COBLL1: variants seen among roughly 807,000 people sequenced by gnomAD.
The protein encoded by COBLL1 is cordon-bleu protein-like 1.
COBLL1 carries 50 observed loss-of-function variants against 94.8 expected under a neutral mutation model. The observed-to-expected ratio is 0.53, with a 90% CI of 0.42 to 0.67. The LOEUF is 0.67. Among genes scored for constraint, COBLL1 ranks in the 30% least tolerant of loss-of-function variants. COBLL1 has a pLI of 0.00. For synonymous variants in COBLL1, 448 were observed against 473.8 expected, an observed-to-expected ratio of 0.95 and a Z score of 0.71; for missense variants, 1,362 against 1,348.7, an observed-to-expected ratio of 1.01 and a Z score of -0.15.
chr2:164,737,669 A>C (rs1479480710), intron 3 of COBLL1, among the ~76,000 whole-genome samples: 1 of 152,158 alleles, frequency 6.6e-6, no homozygotes, highest in Admixed American at 6.5e-5. Flanking sequence ...AATAAATATA[A>C]ATATGACGTG....
intron 7 of COBLL1, among the ~76,000 whole-genome samples, chr2:164,710,588 G>A (rs866901372): frequency 8.0e-5 from 12 of 149,574 alleles, no homozygotes; most frequent in Admixed American, 2.7e-4. Flanking sequence ...TTTTGGAGAC[G>A]GAGTTTCGCT....
chr2:164,702,392 T>C (rs1185351574), intron 9 of COBLL1, among the ~76,000 whole-genome samples: 2 of 151,320 alleles, frequency 1.3e-5, no homozygotes, highest in East Asian at 3.9e-4. Context: ...TGAAACCCCG[T>C]CTCTACTAAA....
chr2:164,733,692 G>A (rs1686141833), intron 3 of COBLL1, among the ~76,000 whole-genome samples: 2 of 152,100 alleles, frequency 1.3e-5, no homozygotes, highest in African/African-American at 4.8e-5. Context: ...GAAAACTATC[G>A]GATGAAAAAG....
At position 164,805,363 on chromosome 2, in the gene COBLL1, A is replaced by ATTT. The variant is rs1553480466; in HGVS notation, c.41+35792_41+35793insAAA. Among the ~76,000 whole-genome samples the ATTT allele has an allele frequency of 5.6e-4, 65 of 115,872 alleles. 1 individual carries two copies. Among genetic ancestry groups the ATTT allele is most frequent in the Non-Finnish European group, 9.3e-4 (53 of 57,048 alleles). The allele number at this position is 115,872 out of a possible 152,430, so 76.0% of individuals were successfully genotyped here. A position where few individuals can be genotyped will look rare whatever the true frequency, so the allele number is the denominator to read the frequency against. ...TATATATATATATATATATATATAT[A>ATTT]AAACTAAAGTTCATAGTTTACATTA... On this transcript the variant is annotated intron_variant, in intron 2 of 13. Transcript: ENST00000652658.
chr2:164,694,899 T>C lies in COBLL1; in HGVS notation c.2493A>G (p.Arg831=), dbSNP rs1683832799. The C allele has an allele frequency of 6.2e-7, 1 of 1,613,940 alleles. No homozygotes were observed. The highest frequency in any genetic ancestry group is 1.3e-5 in the African/African-American group (1 of 75,002). ...GTGCAAAAGGAGCTGTGCCAGTGTC[T>C]CTTGTCATTTTGGGAGCAGGTTTCA... is the stretch of plus-strand genomic sequence containing the variant. ...SPLKPAPKMT[R]DTGTAPFAPN... is the part of the protein sequence containing the mutation. Residue 831 remains arginine, a synonymous_variant, in exon 12 of 14, where the codon AGA becomes AGG. Coordinates refer to ENST00000652658, the MANE Select transcript of COBLL1 (RefSeq NM_001365672.2).
intron 2 of COBLL1, among the ~76,000 whole-genome samples, chr2:164,814,825 ATCC>A (rs1684636699): frequency 6.6e-6 from 1 of 152,212 alleles, no homozygotes. Context: ...AATTCTTACT[ATCC>A]TCTAAACCTT....
chr2:164,744,855 CAG>C (rs1018972673), intron 2 of COBLL1, among the ~76,000 whole-genome samples: 1 of 151,966 alleles, frequency 6.6e-6, no homozygotes, highest in African/African-American at 2.4e-5. Flanking sequence ...TAACTTATAA[CAG>C]AAATAGTAGA....
intron 2 of COBLL1, among the ~76,000 whole-genome samples, chr2:164,658,850 A>G (rs781326119): frequency 7.2e-5 from 11 of 152,092 alleles, no homozygotes; most frequent in Non-Finnish European, 1.3e-4. Context: ...GGAGGGGATT[A>G]CCCCATACTA....
chr2:164,677,363 G>T (rs1345333993), downstream of COBLL1, among the ~76,000 whole-genome samples: 1 of 152,130 alleles, frequency 6.6e-6, no homozygotes, highest in Non-Finnish European at 1.5e-5. Flanking sequence ...GCCTAAGAGT[G>T]AAACTGTTGA....
intron 9 of COBLL1, among the ~76,000 whole-genome samples, chr2:164,702,577 ATAAT>A (rs1376252112): frequency 7.4e-6 from 1 of 135,522 alleles, no homozygotes; most frequent in African/African-American, 2.9e-5. Context: ...AAAAAAAAAA[ATAAT>A]AATAATAATA....
chr2:164,822,030 A>G (rs892776343), intron 2 of COBLL1, among the ~76,000 whole-genome samples: 1 of 152,230 alleles, frequency 6.6e-6, no homozygotes, highest in African/African-American at 2.4e-5. Context: ...CTTTGTCAAT[A>G]TTTCATGGCT....
Position 164,694,340 on chromosome 2 carries a change from T to C in COBLL1, c.3052A>G (p.Asn1018Asp). The C allele has an allele frequency of 6.2e-7, 1 of 1,614,006 alleles. No individual in the cohort carries two copies. The highest frequency in any genetic ancestry group is 8.5e-7 in the Non-Finnish European group (1 of 1,179,900). Residue 1018 changes from asparagine to aspartate, a missense_variant, in exon 12 of 14, where the codon AAC becomes GAC. Transcript: ENST00000652658. ...SASALVQPPANTEEGKTHSVN... is the reference protein window; with the variant it reads ...SASALVQPPADTEEGKTHSVN... ...GAATGAGTCTTCCCTTCCTCTGTGTTGGCTGGAGGTTGGACCAATGCACTG... is the reference window on the plus strand; with the variant it reads ...GAATGAGTCTTCCCTTCCTCTGTGTCGGCTGGAGGTTGGACCAATGCACTG...
chr2:164,673,702 ACT>A (rs1328760554), intron 1 of COBLL1, among the ~76,000 whole-genome samples: 1 of 151,964 alleles, frequency 6.6e-6, no homozygotes, highest in Non-Finnish European at 1.5e-5. Flanking sequence ...AAATAAATAA[ACT>A]CAGTGAATTC....
intron 2 of COBLL1, among the ~76,000 whole-genome samples, chr2:164,784,192 T>C (rs1688839129): frequency 6.6e-6 from 1 of 152,142 alleles, no homozygotes; most frequent in Admixed American, 6.6e-5. Flanking sequence ...TCTAACTTCA[T>C]TCACATTAAG....
At chr2:164,734,474 T>A (rs1476198682) in intron 3 of COBLL1, among the ~76,000 whole-genome samples, 1 of 152,172 alleles carries the variant, frequency 6.6e-6, no homozygotes, top group Non-Finnish European at 1.5e-5. Flanking sequence ...TTTTACTGAG[T>A]GAGACAGAAA....
intron 2 of COBLL1, among the ~76,000 whole-genome samples, chr2:164,779,400 C>A (rs1021432528): frequency 1.3e-5 from 2 of 152,068 alleles, no homozygotes; most frequent in Non-Finnish European, 2.9e-5. Flanking sequence ...ATTTTCCCGA[C>A]AGGAAAAGCC....
At chr2:164,833,994 G>A (rs935528234) in intron 2 of COBLL1, among the ~76,000 whole-genome samples, 1 of 151,982 alleles carries the variant, frequency 6.6e-6, no homozygotes, top group Non-Finnish European at 1.5e-5. Flanking sequence ...AAGACGTTTG[G>A]CCTTTTATAA....
At chr2:164,690,016 AT>A (rs1232779901) in intron 13 of COBLL1, among the ~76,000 whole-genome samples, 2 of 152,000 alleles carry the variant, frequency 1.3e-5, no homozygotes, top group Non-Finnish European at 2.9e-5. Context: ...ATTTTACTAT[AT>A]TTTGTCCATT....
At chr2:164,687,638 G>A (rs1267215566) in intron 13 of COBLL1, 23 of 948,830 alleles carry the variant, frequency 2.4e-5, no homozygotes, top group Non-Finnish European at 3.7e-5. Flanking sequence ...ACATACATCT[G>A]AAAGGCCTAT....
Sources: allele counts gnomAD v4.1 joint callset (sites outside exome capture counted in the v4.1 genomes callset), GRCh38; gene constraint gnomAD v4.1.1; transcripts MANE v1.5; gene names NCBI Gene and HGNC (gene_info 2026-07-23, HGNC 2026-07-21).